The following FGFR1 variants were observed in gnomAD, a reference collection of about 807,000 sequenced individuals.
FGFR1 encodes the protein FGFR1/PLAG1 fusion.
In FGFR1, 18 loss-of-function variants were observed where a neutral mutation model predicts 93.7. The observed-to-expected ratio is 0.19, with a 90% CI of 0.13 to 0.28. The LOEUF is 0.28. FGFR1 is among the 10% of genes least tolerant of loss of function. The pLI is 1.00. For missense variants in FGFR1, 731 were observed against 1,080.4 expected (o/e 0.68, Z 4.53); for synonymous variants, 448 against 429.3 (o/e 1.04, Z -0.54).
intron 7 of FGFR1, among the ~76,000 whole-genome samples, chr8:38,422,469 T>G (rs1328443615): frequency 2.6e-5 from 4 of 152,182 alleles, no homozygotes; most frequent in Non-Finnish European, 4.4e-5. Context: ...TGCAGTGGCA[T>G]AAACATAGCT....
intron 5 of FGFR1, among the ~76,000 whole-genome samples, chr8:38,427,414 G>A (rs1274416091): frequency 3.3e-5 from 5 of 152,186 alleles, no homozygotes; most frequent in Admixed American, 2.0e-4. Flanking sequence ...CAGTAGCTGG[G>A]ATTACAGGAG....
chr8:38,462,319 C>A (rs1219354376), intron 1 of FGFR1, among the ~76,000 whole-genome samples: 1 of 152,072 alleles, frequency 6.6e-6, no homozygotes, highest in African/African-American at 2.4e-5. Context: ...TCCTGGCCAA[C>A]ATGGTGAAAC....
intron 7 of FGFR1, chr8:38,422,862 C>T (rs1819324442): frequency 1.7e-6 from 1 of 596,664 alleles, no homozygotes; most frequent in Non-Finnish European, 3.0e-6. Flanking sequence ...AACACAATAC[C>T]AAACCAAACC....
At chr8:38,467,958 T>G (rs2151505783) in intron 1 of FGFR1, 23 bp downstream of exon 1, 1 of 216,644 alleles carries the variant, frequency 4.6e-6, no homozygotes, top group East Asian at 6.7e-5. Flanking sequence ...CCGCCCCAGA[T>G]CCGGGGGCGC....
rs926227526 is a variant in FGFR1 at position 38,418,728 on chromosome 8, C to T, written c.1285-355G>A. On this transcript the variant is annotated intron_variant, in intron 9 of 17. Transcript: ENST00000447712. ...TTATGGATTCCTAACTCCCAAAGCA[C>T]CTTCCAGAATGAGCACAGGCTTCTG... is the stretch of plus-strand genomic sequence containing the variant. 4.0e-5 allele frequency: 14 copies of T among 351,158 alleles called. No homozygotes were observed. The Admixed American group carries it at 5.7e-4, about 14-fold the overall frequency. The allele number at this position is 351,158 out of a possible 1,614,324, so 21.8% of individuals were successfully genotyped here. A position where few individuals can be genotyped will look rare whatever the true frequency, so the allele number is the denominator to read the frequency against.
intron 2 of FGFR1, among the ~76,000 whole-genome samples, chr8:38,441,825 C>G (rs1283391031): frequency 6.6e-6 from 1 of 152,162 alleles, no homozygotes; most frequent in Non-Finnish European, 1.5e-5. Flanking sequence ...CCCTAGGACA[C>G]AGTTTAGGGT....
intron 2 of FGFR1, among the ~76,000 whole-genome samples, chr8:38,441,805 G>A (rs1827587115): frequency 2.0e-5 from 3 of 152,184 alleles, no homozygotes; most frequent in African/African-American, 7.2e-5. Context: ...ACTCCTGTGT[G>A]ACAACTGCCC....
chr8:38,434,169 T>C (rs1586455537), intron 2 of FGFR1, among the ~76,000 whole-genome samples: 2 of 152,184 alleles, frequency 1.3e-5, no homozygotes, highest in African/African-American at 4.8e-5. Context: ...TGACAGATAT[T>C]GGGTATAATG....
intron 2 of FGFR1, among the ~76,000 whole-genome samples, chr8:38,441,115 T>C (rs1255021395): frequency 2.8e-5 from 4 of 143,356 alleles, no homozygotes; most frequent in Non-Finnish European, 6.0e-5. Context: ...ACGTGTAGAA[T>C]CCCACTTGGG....
At chr8:38,425,259 G>A (rs1820336412) in intron 6 of FGFR1, among the ~76,000 whole-genome samples, 1 of 151,874 alleles carries the variant, frequency 6.6e-6, no homozygotes, top group African/African-American at 2.4e-5. Context: ...TCCCACCTCA[G>A]TAGCCTCAGT....
chr8:38,467,175 C>G (rs982482419), intron 1 of FGFR1, among the ~76,000 whole-genome samples: 1 of 152,126 alleles, frequency 6.6e-6, no homozygotes, highest in Non-Finnish European at 1.5e-5. Context: ...GTCCTTCCGC[C>G]CCCATCCCAC....
chr8:38,461,393 G>A (rs1170212083), intron 1 of FGFR1: 2 of 454,100 alleles, frequency 4.4e-6, no homozygotes, highest in Non-Finnish European at 7.9e-6. Context: ...AGAGTGCAGT[G>A]GCACGATCTC....
chr8:38,467,986 T>G lies in FGFR1; in HGVS notation c.-94A>C. The G allele has an allele frequency of 4.6e-6, 1 of 217,720 alleles. No individual in the cohort carries two copies. The highest frequency in any genetic ancestry group is 9.2e-6 in the Non-Finnish European group (1 of 108,502). The allele number at this position is 217,720 out of a possible 1,614,324, so 13.5% of individuals were successfully genotyped here. ...GGGGGCGCCGCGGCTCTTACCTCGC[T>G]CGGCGTGGAGGTTCCGCCTCGGGAG... On this transcript the variant is annotated 5_prime_UTR_variant, in exon 1 of 18. Transcript: ENST00000447712.
chr8:38,449,364 C>T (rs1342766609), intron 2 of FGFR1, among the ~76,000 whole-genome samples: 1 of 151,990 alleles, frequency 6.6e-6, no homozygotes, highest in Non-Finnish European at 1.5e-5. Context: ...AAGAGACTTG[C>T]TTGACTAGAT....
intron 7 of FGFR1, chr8:38,422,640 G>T (rs1031838973): frequency 1.4e-5 from 4 of 285,138 alleles, no homozygotes; most frequent in South Asian, 8.1e-5. Context: ...GGCTTCAAGC[G>T]ATCCTCCCAC....
rs542914887 is a variant in FGFR1 at position 38,455,341 on chromosome 8, C to T, written c.91+2015G>A. Among the ~76,000 whole-genome samples the T allele has an allele frequency of 7.2e-5, 11 of 152,168 alleles. No homozygotes were observed. In the East Asian group the frequency reaches 1.7e-3, roughly 24 times the overall value. On this transcript the variant is annotated intron_variant, in intron 2 of 17. Coordinates refer to ENST00000447712, the MANE Select transcript of FGFR1 (RefSeq NM_023110.3). ...TGTTGCCCAGGCTGGAGTGCAGTGG[C>T]GCGATCTCAGCTCACTGCATGCTCT... is the stretch of plus-strand genomic sequence containing the variant.
At position 38,412,868 on chromosome 8, in the gene FGFR1, T is replaced by C. The variant is rs17176074; in HGVS notation, c.*760A>G. 1.3e-5 allele frequency: 3 copies of C among 233,560 alleles called. No homozygotes were observed. Among genetic ancestry groups the C allele is most frequent in the African/African-American group, 6.6e-5 (3 of 45,356 alleles). The allele number at this position is 233,560 out of a possible 1,614,324, so 14.5% of individuals were successfully genotyped here. ...TTTCCTTTTTTTTCTTTTTTGTTTT[T>C]AATATATAGCAACTGATGCCTCCCA... On this transcript the variant is annotated 3_prime_UTR_variant, in exon 18 of 18. Coordinates refer to ENST00000447712, the MANE Select transcript of FGFR1 (RefSeq NM_023110.3).
chr8:38,446,861 C>G (rs1442619952), intron 2 of FGFR1, among the ~76,000 whole-genome samples: 1 of 152,120 alleles, frequency 6.6e-6, no homozygotes, highest in African/African-American at 2.4e-5. Context: ...AGGCAATACC[C>G]ATACCACACA....
At chr8:38,443,711 A>G (rs953456643) in intron 2 of FGFR1, among the ~76,000 whole-genome samples, 3 of 151,910 alleles carry the variant, frequency 2.0e-5, no homozygotes, top group Admixed American at 2.0e-4. Flanking sequence ...AAAAAATAAA[A>G]ATAGTTAAAA....
Sources: gnomAD v4.1 joint callset for allele counts (sites outside exome capture counted in the v4.1 genomes callset) on GRCh38, gnomAD v4.1.1 for gene constraint, MANE v1.5 for transcripts, NCBI Gene and HGNC (gene_info 2026-07-23, HGNC 2026-07-21) for gene names.